Variants in MYLK3 observed in about 807,000 individuals in gnomAD.
MYLK3 encodes the protein MLC kinase.
MYLK3 carries 55 observed loss-of-function variants against 76.3 expected under a neutral mutation model. That is an observed-to-expected ratio of 0.72 (90% CI 0.58 to 0.90). MYLK3 has a LOEUF of 0.90. Ranked by LOEUF, MYLK3 falls within the 40% of genes least tolerant of loss-of-function variation. MYLK3 has a pLI of 0.00. For missense variants in MYLK3, 973 were observed against 1,053.6 expected (o/e 0.92, Z 1.06); for synonymous variants, 416 against 425.4 (o/e 0.98, Z 0.27).
rs1966844574 is a variant in MYLK3 at position 46,727,315 on chromosome 16, T to C, written c.1835A>G (p.Asp612Gly). The C allele has an allele frequency of 1.9e-6, 3 of 1,614,030 alleles. No individual in the cohort carries two copies. In the African/African-American group the frequency reaches 4.0e-5, roughly 22 times the overall value. Residue 612 changes from aspartate to glycine, a missense_variant, in exon 8 of 13, where the codon GAT becomes GGT. Asp to Gly is a moderately conservative substitution (Grantham distance 94, BLOSUM62 -1). This residue lies in a region of MYLK3 where 332 missense variants were observed against 416.6 expected (regional missense o/e 0.80). Coordinates refer to ENST00000394809, the MANE Select transcript of MYLK3 (RefSeq NM_182493.3). ...GATCTGCCTGGTGAACAGGACCACA[T>C]CCAGCTCAGTCAGGTGGTACTTCTC... is the stretch of plus-strand genomic sequence containing the variant. ...TDEKYHLTEL[D>G]VVLFTRQICE... is the part of the protein sequence containing the mutation.
intron 3 of MYLK3, among the ~76,000 whole-genome samples, chr16:46,734,271 G>A (rs865786391): frequency 2.0e-5 from 3 of 152,172 alleles, no homozygotes; most frequent in Non-Finnish European, 4.4e-5. Context: ...CTACAGCATC[G>A]ATGGACCCTG....
intron 4 of MYLK3, among the ~76,000 whole-genome samples, chr16:46,731,189 A>C (rs1057471388): frequency 3.3e-5 from 5 of 152,224 alleles, no homozygotes; most frequent in Non-Finnish European, 7.3e-5. Context: ...GCCCAACCAG[A>C]AGCTCAGCAT....
Position 46,738,057 on chromosome 16 carries a change from C to T in MYLK3, c.655G>A (p.Ala219Thr). 1.2e-6 allele frequency: 2 copies of T among 1,608,116 alleles called. No homozygotes were observed. Among genetic ancestry groups the T allele is most frequent in the Non-Finnish European group, 1.7e-6 (2 of 1,178,278 alleles). ...ASGLGADPAQ[A>T]VVSPGQGDGV... The stretch of plus-strand genomic sequence containing the variant: ...TCTCCCTGGCCCGGTGAGACCACTG[C>T]CTGGGCGGGGTCAGCTCCCAGCCCT... Residue 219 changes from alanine (A) to threonine (T), a missense_variant, in exon 3 of 13, where the codon GCA becomes ACA. Around this residue, in one of 2 missense-constraint regions of MYLK3, gnomAD observed 641 missense variants for 637.0 expected, o/e 1.01. Transcript: ENST00000394809.
intron 1 of MYLK3, among the ~76,000 whole-genome samples, chr16:46,745,344 ACCCAGATAT>A (rs1967004074): frequency 6.6e-6 from 1 of 152,234 alleles, no homozygotes; most frequent in Non-Finnish European, 1.5e-5. Flanking sequence ...CAAAGGGAGT[ACCCAGATAT>A]ATTCATAACG....
chr16:46,736,437 C>T (rs1057502897), intron 3 of MYLK3, among the ~76,000 whole-genome samples: 4 of 152,178 alleles, frequency 2.6e-5, no homozygotes, highest in South Asian at 2.1e-4. Flanking sequence ...TTCCTGAGGC[C>T]GCTGCAGGTC....
intron 10 of MYLK3, chr16:46,711,069 A>T: frequency 2.3e-6 from 1 of 434,252 alleles, no homozygotes; most frequent in South Asian, 2.5e-5. Context: ...GAGTAAAATT[A>T]GGGCCCAACT....
intron 12 of MYLK3, 118 bp from the exon 13 acceptor site, chr16:46,707,881 A>T: frequency 1.7e-6 from 1 of 602,928 alleles, no homozygotes; most frequent in East Asian, 2.8e-5. Context: ...TTTAAATCTG[A>T]TACCTAAAGG....
In MYLK3 at chr16:46,714,795, C is replaced by T. The variant is rs118149503; in HGVS notation, c.1986-2019G>A. ...CCATCACCATGAGAATGAGGGCACA[C>T]GGAGCAGACCCACCCTCACTGACCT... is the stretch of plus-strand genomic sequence containing the variant. On this transcript the variant is annotated intron_variant, in intron 9 of 12. Transcript: ENST00000394809. Among the ~76,000 whole-genome samples, 26 of 152,326 alleles carry T rather than the reference C, an allele frequency of 1.7e-4. No homozygotes were observed. The East Asian group carries it at 2.1e-3, about 12-fold the overall frequency.
At chr16:46,724,085 T>G (rs1068717) in intron 8 of MYLK3, among the ~76,000 whole-genome samples, 1 of 152,258 alleles carries the variant, frequency 6.6e-6, no homozygotes, top group Non-Finnish European at 1.5e-5. Context: ...ATGTGCTTAG[T>G]GGCAATTGTA....
intron 12 of MYLK3, among the ~76,000 whole-genome samples, chr16:46,708,587 T>C (rs1289361099): frequency 6.6e-6 from 1 of 152,080 alleles, no homozygotes; most frequent in East Asian, 1.9e-4. Context: ...CCCAAATAGC[T>C]GGAACTATAG....
Position 46,721,176 on chromosome 16 carries a change from G to A in MYLK3, c.1932C>T (p.Cys644=), listed in dbSNP as rs149313898. ...HLDLKPENIL[C]VNQTGHQIKI... is the part of the protein sequence containing the mutation. The stretch of plus-strand genomic sequence containing the variant: ...TAATTTGATGTCCTGTCTGATTGAC[G>A]CACAATATGTTCTCCGGCTGGGAAA... Residue 644 remains cysteine, a synonymous_variant, in exon 9 of 13, where the codon TGC becomes TGT. Coordinates refer to ENST00000394809, the MANE Select transcript of MYLK3 (RefSeq NM_182493.3). The A allele has an allele frequency of 1.4e-5, 23 of 1,614,058 alleles. No homozygotes were observed. The highest frequency in any genetic ancestry group is 1.2e-4 in the African/African-American group (9 of 74,930).
At chr16:46,758,002 C>T (rs1050753512) in intron 1 of MYLK3, among the ~76,000 whole-genome samples, 2 of 152,114 alleles carry the variant, frequency 1.3e-5, no homozygotes, top group African/African-American at 4.8e-5. Context: ...TGCTTGTACC[C>T]TGGCCGGACC....
chr16:46,760,456 T>C (rs1967262601), intron 1 of MYLK3, among the ~76,000 whole-genome samples: 1 of 152,214 alleles, frequency 6.6e-6, no homozygotes, highest in South Asian at 2.1e-4. Context: ...TGCCCATTCT[T>C]GTGGGCTCTG....
In MYLK3 at chr16:46,738,109, C is replaced by T. The variant is rs781406736; in HGVS notation, c.603G>A (p.Ala201=). The change falls in exon 3 of 13, where the codon GCG becomes GCA. Residue 201 remains alanine (A), a synonymous_variant. Transcript: ENST00000394809. ...SQKADVLEGT[A]ERLPPIRASG... ...ACGCTCTGATGGGGGGCAGCCTCTC[C>T]GCTGTCCCCTCCAGCACGTCCGCCT... The T allele has an allele frequency of 1.7e-5, 26 of 1,574,954 alleles. 1 individual carries two copies. In the East Asian group the frequency reaches 3.6e-4, roughly 22 times the overall value.
At chr16:46,712,821 G>T (rs773255164) in intron 9 of MYLK3, 45 bp from the exon 10 acceptor site, 4 of 1,496,632 alleles carry the variant, frequency 2.7e-6, no homozygotes, top group Non-Finnish European at 2.7e-6. Context: ...GTGAGGCCTG[G>T]GAGATGTGGT....
Position 46,707,485 on chromosome 16 carries a change from T to C in MYLK3, c.*219A>G, listed in dbSNP as rs769288181. 26 of 508,452 alleles carry C rather than the reference T, an allele frequency of 5.1e-5. No individual in the cohort carries two copies. The highest frequency in any genetic ancestry group is 9.5e-4 in the Middle Eastern group (2 of 2,108). 31.5% of individuals were successfully genotyped at this position (508,452 alleles called of 1,614,324 possible). A position where few individuals can be genotyped will look rare whatever the true frequency, so the allele number is the denominator to read the frequency against. ...ATATTTGAAAGGTACTCAGAGCATT[T>C]CACACGTAGTGATCTTACAAGGCAG... On this transcript the variant is annotated 3_prime_UTR_variant, in exon 13 of 13. Transcript: ENST00000394809.
intron 8 of MYLK3, chr16:46,726,554 G>A (rs1180083789): frequency 2.0e-5 from 3 of 150,880 alleles, no homozygotes; most frequent in African/African-American, 7.3e-5. Flanking sequence ...AACAGAGAGA[G>A]GCCCTGTCTC....
At chr16:46,742,064 A>G (rs959921312) in intron 1 of MYLK3, among the ~76,000 whole-genome samples, 1 of 152,214 alleles carries the variant, frequency 6.6e-6, no homozygotes, top group Non-Finnish European at 1.5e-5. Flanking sequence ...TTGGGGTGAC[A>G]GAATTGTTTC....
At chr16:46,751,923 G>A (rs923778068), upstream of MYLK3, among the ~76,000 whole-genome samples, 1 of 152,178 alleles carries the variant, frequency 6.6e-6, no homozygotes, top group Non-Finnish European at 1.5e-5. Flanking sequence ...GACACAGCAG[G>A]GGGCTTGGCC....
Sources: gnomAD v4.1 joint callset for allele counts (sites outside exome capture counted in the v4.1 genomes callset) on GRCh38, gnomAD v4.1.1 for gene constraint, gnomAD v4.1.1 regional missense constraint, MANE v1.5 for transcripts, NCBI Gene and HGNC (gene_info 2026-07-23, HGNC 2026-07-21) for gene names.